Variants in RHBDD1 observed in about 807,000 individuals in gnomAD.
The protein encoded by RHBDD1 is rhomboid domain containing 1, also known as rhomboid-related protein 4.
RHBDD1 carries 38 observed loss-of-function variants against 36.3 expected under a neutral mutation model. The observed-to-expected ratio is 1.05, with a 90% CI of 0.81 to 1.37. The LOEUF is 1.37. Among genes scored for constraint, RHBDD1 ranks in the 40% most tolerant of loss-of-function variants. RHBDD1 has a pLI of 0.00. For missense variants in RHBDD1, 393 were observed against 377.6 expected, an observed-to-expected ratio of 1.04 and a Z score of -0.34; for synonymous variants, 151 against 136.5, an observed-to-expected ratio of 1.11 and a Z score of -0.74.
chr2:226,874,764 G>A (rs1395338202), intron 5 of RHBDD1, among the ~76,000 whole-genome samples: 1 of 152,134 alleles, frequency 6.6e-6, no homozygotes, highest in African/African-American at 2.4e-5. Context: ...CCAGGGATTT[G>A]GATGTAGATG....
chr2:226,981,365 T>TA (rs534069923), intron 8 of RHBDD1, among the ~76,000 whole-genome samples: 69 of 144,426 alleles, frequency 4.8e-4, no homozygotes, highest in South Asian at 1.5e-3. Flanking sequence ...TAAAGTATAA[T>TA]AAAAAATAAA....
intron 8 of RHBDD1, among the ~76,000 whole-genome samples, chr2:226,945,145 G>GATTATTATTATTATTATTATT (rs60027437): frequency 4.8e-5 from 7 of 144,818 alleles, no homozygotes; most frequent in Admixed American, 4.2e-4. Flanking sequence ...GATCAAATCT[G>GATTATTATTATTATTATTATT]ATTATTATTA....
chr2:226,983,148 A>T (rs189316857), intron 8 of RHBDD1, among the ~76,000 whole-genome samples: 32 of 152,304 alleles, frequency 2.1e-4, no homozygotes, highest in Non-Finnish European at 4.4e-4. Context: ...AAAGTGGGGC[A>T]TGTGGGCATC....
chr2:226,975,826 A>C (rs10206926), intron 8 of RHBDD1, among the ~76,000 whole-genome samples: 6,095 of 152,240 alleles, frequency 0.04, 397 homozygotes, highest in African/African-American at 0.14. Flanking sequence ...GATAATACAC[A>C]AAAGCAAGAT....
rs753628999 is a variant in RHBDD1 at position 226,867,191 on chromosome 2, T to C, written c.439T>C (p.Leu147=). The C allele has an allele frequency of 1.2e-6, 2 of 1,607,830 alleles. No homozygotes were observed. Among genetic ancestry groups the C allele is most frequent in the Non-Finnish European group, 8.5e-7 (1 of 1,178,280 alleles). ...TGTTCTTCATTCTCTTTTAGGAGTT[T>C]TGTTTGCTTTGAAAGTTCTTAACAA... The part of the protein sequence containing the change: ...RSCAVGFSGV[L]FALKVLNNHY... The change falls in exon 5 of 9, where the codon TTG becomes CTG. Residue 147 remains leucine (L), a synonymous_variant. Coordinates refer to ENST00000392062, the MANE Select transcript of RHBDD1 (RefSeq NM_001167608.3).
chr2:226,838,559 T>G (rs1941261535), intron 2 of RHBDD1, among the ~76,000 whole-genome samples: 1 of 152,186 alleles, frequency 6.6e-6, no homozygotes, highest in South Asian at 2.1e-4. Context: ...AAATAACGCA[T>G]AAAACACGTC....
the RHBDD1 span, among the ~76,000 whole-genome samples, chr2:226,823,363 C>A: frequency 6.6e-6 from 1 of 152,138 alleles, no homozygotes; most frequent in East Asian, 1.9e-4. Context: ...AAGACACAGT[C>A]AATTTGCACT....
At chr2:226,970,186 C>A (rs1953184388) in intron 8 of RHBDD1, among the ~76,000 whole-genome samples, 2 of 151,800 alleles carry the variant, frequency 1.3e-5, no homozygotes, top group Admixed American at 6.6e-5. Context: ...TCCTTTCTTC[C>A]CAGAATTGAA....
At chr2:226,956,888 C>G (rs906323787) in intron 8 of RHBDD1, among the ~76,000 whole-genome samples, 1 of 152,190 alleles carries the variant, frequency 6.6e-6, no homozygotes, top group African/African-American at 2.4e-5. Context: ...AAGGCCAAAT[C>G]AGCCCTTATT....
upstream of RHBDD1, among the ~76,000 whole-genome samples, chr2:226,834,194 T>C (rs1170307775): frequency 6.6e-6 from 1 of 152,178 alleles, no homozygotes; most frequent in Non-Finnish European, 1.5e-5. Flanking sequence ...TATAGAAAGA[T>C]GTAGAGAGTG....
intron 3 of RHBDD1, among the ~76,000 whole-genome samples, chr2:226,852,682 T>C (rs1942931730): frequency 6.6e-6 from 1 of 152,162 alleles, no homozygotes; most frequent in African/African-American, 2.4e-5. Context: ...CAGCCTGAAC[T>C]AAGACAATTG....
chr2:226,898,575 A>G (rs1437948576), intron 5 of RHBDD1, among the ~76,000 whole-genome samples: 1 of 152,258 alleles, frequency 6.6e-6, no homozygotes, highest in Non-Finnish European at 1.5e-5. Context: ...GAGAGCATGT[A>G]GACCAGGTCA....
chr2:226,971,649 A>G (rs1451172595), intron 8 of RHBDD1, among the ~76,000 whole-genome samples: 1 of 152,246 alleles, frequency 6.6e-6, no homozygotes, highest in Admixed American at 6.5e-5. Flanking sequence ...AAATGTGGCT[A>G]CTAACATTCA....
intron 3 of RHBDD1, among the ~76,000 whole-genome samples, chr2:226,863,957 A>G (rs1318288238): frequency 6.6e-6 from 1 of 151,772 alleles, no homozygotes; most frequent in African/African-American, 2.4e-5. Flanking sequence ...TTAGAACATT[A>G]TGTGGCCACT....
intron 8 of RHBDD1, among the ~76,000 whole-genome samples, chr2:226,968,452 T>A (rs1245992354): frequency 1.3e-5 from 2 of 152,148 alleles, no homozygotes; most frequent in African/African-American, 4.8e-5. Context: ...TTAAGGCCTT[T>A]TAACCGATTG....
chr2:226,966,766 A>G (rs1223912743), intron 8 of RHBDD1, among the ~76,000 whole-genome samples: 1 of 152,146 alleles, frequency 6.6e-6, no homozygotes, highest in Non-Finnish European at 1.5e-5. Context: ...CCTGGACTCA[A>G]GCAATCCTCC....
chr2:226,938,301 A>C (rs1399495449), intron 8 of RHBDD1, among the ~76,000 whole-genome samples: 1 of 151,696 alleles, frequency 6.6e-6, no homozygotes, highest in Non-Finnish European at 1.5e-5. Flanking sequence ...TTTCTTGTAA[A>C]TTTGTTTAAG....
intron 5 of RHBDD1, among the ~76,000 whole-genome samples, chr2:226,876,244 A>C (rs1306442788): frequency 6.6e-6 from 1 of 152,176 alleles, no homozygotes; most frequent in Non-Finnish European, 1.5e-5. Flanking sequence ...GGAATAGTAT[A>C]AAGATTTGCA....
chr2:226,993,856 A>G (rs1479987446), intron 8 of RHBDD1, among the ~76,000 whole-genome samples: 1 of 152,188 alleles, frequency 6.6e-6, no homozygotes, highest in Non-Finnish European at 1.5e-5. Flanking sequence ...TCTTTTCACT[A>G]TGGTTTTAAC....
Sources: gnomAD v4.1 joint callset for allele counts (sites outside exome capture counted in the v4.1 genomes callset) on GRCh38, gnomAD v4.1.1 for gene constraint, MANE v1.5 for transcripts, NCBI Gene and HGNC (gene_info 2026-07-23, HGNC 2026-07-21) for gene names.